The following OSBPL8 variants were observed in gnomAD, a reference collection of about 807,000 sequenced individuals.
The protein encoded by OSBPL8 is oxysterol binding protein like 8, also known as oxysterol-binding protein-related protein 8.
A neutral mutation model predicts 125.5 loss-of-function variants in OSBPL8; 59 were observed. The observed-to-expected ratio is 0.47, with a 90% CI of 0.38 to 0.58. The LOEUF (loss-of-function observed/expected upper bound fraction) is 0.58. Ranked by LOEUF, OSBPL8 falls within the 20% of genes least tolerant of loss-of-function variation. The probability of loss-of-function intolerance (pLI) is 0.00; values close to 1 mark genes in which losing one functional copy is unlikely to be tolerated. For missense variants in OSBPL8, 758 were observed against 1,047.8 expected, an observed-to-expected ratio of 0.72 and a Z score of 3.82; for synonymous variants, 330 against 338.9, an observed-to-expected ratio of 0.97 and a Z score of 0.29.
At chr12:76,528,646 A>AT (rs1950245865) in intron 1 of OSBPL8, among the ~76,000 whole-genome samples, 1 of 152,068 alleles carries the variant, frequency 6.6e-6, no homozygotes, top group African/African-American at 2.4e-5. Flanking sequence ...GTCACAAGCC[A>AT]AAGAAGATAA....
intron 19 of OSBPL8, among the ~76,000 whole-genome samples, chr12:76,370,584 A>G (rs1019906847): frequency 6.6e-6 from 1 of 152,190 alleles, no homozygotes; most frequent in Non-Finnish European, 1.5e-5. Flanking sequence ...CTCATCTTCA[A>G]ATATGCTGAA....
intron 3 of OSBPL8, among the ~76,000 whole-genome samples, chr12:76,456,652 T>C (rs188778808): frequency 2.6e-5 from 4 of 152,118 alleles, no homozygotes; most frequent in African/African-American, 9.7e-5. Flanking sequence ...ACTTAAGTAC[T>C]AATAGCCTAC....
In OSBPL8 at chr12:76,546,829, A is replaced by C. The variant is rs1248865836; in HGVS notation, c.-68+12568T>G. ...AAAGGTAACAAGATCATCAGTAATC[A>C]GTCCACTACATTAGAAAATATTTAA... On this transcript the variant is annotated intron_variant, in intron 1 of 23. Coordinates refer to ENST00000261183, the MANE Select transcript of OSBPL8 (RefSeq NM_020841.5). Among the ~76,000 whole-genome samples the C allele has an allele frequency of 2.0e-5, 3 of 152,252 alleles. No homozygotes were observed. In the East Asian group the frequency reaches 5.8e-4, roughly 29 times the overall value.
chr12:76,396,215 C>T (rs1398399134), intron 8 of OSBPL8, among the ~76,000 whole-genome samples: 2 of 151,986 alleles, frequency 1.3e-5, no homozygotes, highest in African/African-American at 2.4e-5. Flanking sequence ...GGAACTAACT[C>T]GGTGATCCCA....
At chr12:76,397,194 T>TA (rs996214230) in intron 8 of OSBPL8, among the ~76,000 whole-genome samples, 13 of 26,752 alleles carry the variant, frequency 4.9e-4, no homozygotes, top group South Asian at 1.5e-3. Context: ...AGTAAGTAAT[T>TA]AAAAAAAATT....
At chr12:76,372,098 C>T (rs894600552) in intron 18 of OSBPL8, among the ~76,000 whole-genome samples, 9 of 152,172 alleles carry the variant, frequency 5.9e-5, no homozygotes, top group East Asian at 1.9e-4. Context: ...TGGAGTGCAG[C>T]GGTGCTATCT....
intron 4 of OSBPL8, among the ~76,000 whole-genome samples, chr12:76,432,436 C>T (rs1013266284): frequency 2.6e-4 from 39 of 151,954 alleles, no homozygotes; most frequent in Non-Finnish European, 1.5e-4. Context: ...TAAAAATTAG[C>T]CGGGTGTGGT....
intron 4 of OSBPL8, chr12:76,423,117 T>C (rs1003635231): frequency 6.6e-6 from 1 of 152,658 alleles, no homozygotes; most frequent in Non-Finnish European, 1.5e-5. Flanking sequence ...TTCCCAGCTT[T>C]TACTTACTTC....
rs987842302 is a variant in OSBPL8, at chr12:76,392,052, T to G, written c.929+529A>C. Reference sequence around the variant, plus strand: ...CCTTGGAGAAATGCTTTTTTAGTGTTAACTACAATAAATGCTTCAGGGAAT... The same window carrying G: ...CCTTGGAGAAATGCTTTTTTAGTGTGAACTACAATAAATGCTTCAGGGAAT... On this transcript the variant is annotated intron_variant, in intron 10 of 23. Coordinates refer to ENST00000261183, the MANE Select transcript of OSBPL8 (RefSeq NM_020841.5). 4.6e-5 allele frequency among the ~76,000 whole-genome samples: 7 copies of G among 152,190 alleles called. No homozygotes were observed. The East Asian group carries it at 1.3e-3, about 29-fold the overall frequency.
rs749258844 is a variant in OSBPL8, at chr12:76,394,599, C to CT, written c.757+45dup. 15 of 1,443,164 alleles carry CT rather than the reference C, an allele frequency of 1.0e-5. No individual in the cohort carries two copies. The African/African-American group carries it at 2.0e-4, about 19-fold the overall frequency. The allele number at this position is 1,443,164 out of a possible 1,614,324, so 89.4% of individuals were successfully genotyped here. On this transcript the variant is annotated intron_variant, in intron 9 of 23. Transcript: ENST00000261183. ...AATACAAAGTGGCATTAAAAAAACT[C>CT]TTAAAAATGAAGACCAAAATCCAAT... is the stretch of plus-strand genomic sequence containing the variant.
At chr12:76,528,970 G>A (rs887141440) in intron 1 of OSBPL8, among the ~76,000 whole-genome samples, 5 of 152,052 alleles carry the variant, frequency 3.3e-5, no homozygotes, top group African/African-American at 1.2e-4. Flanking sequence ...ATTAACCAAG[G>A]ATACCAAAGT....
intron 4 of OSBPL8, among the ~76,000 whole-genome samples, chr12:76,428,146 C>A (rs923052697): frequency 6.6e-6 from 1 of 151,898 alleles, no homozygotes; most frequent in Non-Finnish European, 1.5e-5. Context: ...TGCCACCTTG[C>A]CACTGAAGAG....
chr12:76,515,830 A>G (rs1366812928), intron 1 of OSBPL8, among the ~76,000 whole-genome samples: 1 of 150,562 alleles, frequency 6.6e-6, no homozygotes, highest in African/African-American at 2.4e-5. Context: ...CTATTAACTC[A>G]CCCCTTCCAT....
At chr12:76,541,466 C>A (rs1242694142) in intron 1 of OSBPL8, among the ~76,000 whole-genome samples, 1 of 147,806 alleles carries the variant, frequency 6.8e-6, no homozygotes, top group Non-Finnish European at 1.5e-5. Flanking sequence ...TGACACAGAG[C>A]AAGACTGTCT....
intron 1 of OSBPL8, among the ~76,000 whole-genome samples, chr12:76,523,412 A>T (rs148789106): frequency 6.6e-6 from 1 of 152,310 alleles, no homozygotes; most frequent in East Asian, 1.9e-4. Flanking sequence ...TAGAGCACTT[A>T]AACAACAGGT....
chr12:76,368,430 T>C (rs1173987541), intron 21 of OSBPL8, among the ~76,000 whole-genome samples: 1 of 151,142 alleles, frequency 6.6e-6, no homozygotes, highest in African/African-American at 2.4e-5. Context: ...TGTAGATTTA[T>C]ATCTTCCACC....
At chr12:76,550,197 CTTTTT>C (rs1389669352) in intron 1 of OSBPL8, among the ~76,000 whole-genome samples, 1 of 152,004 alleles carries the variant, frequency 6.6e-6, no homozygotes, top group East Asian at 1.9e-4. Context: ...TATTCAAAAA[CTTTTT>C]TAATTCCAAA....
rs1399481456 is a variant in OSBPL8, at chr12:76,389,753, C to T, written c.1244G>A (p.Arg415His). 9 of 1,603,824 alleles carry T rather than the reference C, an allele frequency of 5.6e-6. No individual in the cohort carries two copies. The highest frequency in any genetic ancestry group is 2.2e-5 in the East Asian group (1 of 44,570). The change falls in exon 12 of 24, where the codon CGT becomes CAT. Residue 415 changes from arginine (R) to histidine (H), a missense_variant. Arg to His is a conservative substitution (Grantham distance 29). Transcript: ENST00000261183. ...CACCTTGGATAGGTCCATGCCAGGA[C>T]GGACTTGTTTCAATAGTGTCCAGAT... ...SLIWTLLKQVRPGMDLSKVVL... is the reference protein window; with the variant it reads ...SLIWTLLKQVHPGMDLSKVVL...
chr12:76,493,519 TTC>T (rs1878955563), intron 1 of OSBPL8, among the ~76,000 whole-genome samples: 1 of 152,230 alleles, frequency 6.6e-6, no homozygotes, highest in Non-Finnish European at 1.5e-5. Context: ...TACAATTTTT[TTC>T]TTTCAGCACT....
Sources: allele counts gnomAD v4.1 joint callset (sites outside exome capture counted in the v4.1 genomes callset), GRCh38; gene constraint gnomAD v4.1.1; transcripts MANE v1.5; gene names NCBI Gene and HGNC (gene_info 2026-07-23, HGNC 2026-07-21).